MUC22: variants seen among roughly 807,000 people sequenced by gnomAD.
MUC22 encodes mucin 22.
MUC22 carries 24 observed loss-of-function variants against 40.3 expected under a neutral mutation model. The ratio of observed to expected loss-of-function variants is 0.60; its 90% confidence interval spans 0.43 to 0.84. MUC22 has a LOEUF of 0.84. Ranked by LOEUF, MUC22 falls within the 40% of genes least tolerant of loss-of-function variation. The probability of loss-of-function intolerance (pLI) is 0.00; values close to 1 mark genes in which losing one functional copy is unlikely to be tolerated. For missense variants in MUC22, 1,926 were observed against 2,130.7 expected (o/e 0.90, Z 1.89); for synonymous variants, 765 against 844.5 (o/e 0.91, Z 1.63).
At chr6:31,012,631 AAAT>A (rs1454469094) in intron 1 of MUC22, among the ~76,000 whole-genome samples, 4 of 152,314 alleles carry the variant, frequency 2.6e-5, no homozygotes, top group African/African-American at 9.6e-5. Flanking sequence ...ACATAGACTT[AAAT>A]AATATTTCCT....
rs992458377 is a variant in MUC22, at chr6:31,029,111, C to T, written c.3680C>T (p.Thr1227Met). ...ACTACTATGGGCTCTGAGACCACCACGGCCTCTACTGCAGGCTCAGAGACC... is the reference window on the plus strand; with the variant it reads ...ACTACTATGGGCTCTGAGACCACCATGGCCTCTACTGCAGGCTCAGAGACC... Residue 1227 changes from threonine to methionine, a missense_variant, in exon 2 of 4, where the codon ACG (threonine) becomes ATG (methionine). Physicochemically the swap from Thr to Met is moderately conservative, Grantham distance 81. Transcript: ENST00000561890. The T allele has an allele frequency of 8.5e-6, 13 of 1,534,748 alleles. No individual in the cohort carries two copies. Among genetic ancestry groups the T allele is most frequent in the Admixed American group, 7.9e-5 (4 of 50,924 alleles).
Position 31,032,808 on chromosome 6 carries a change from GAAGGGAAATACTGACAGAAC to G in MUC22, c.5055+242_5055+261del, listed in dbSNP as rs1766166208. Among the ~76,000 whole-genome samples, 1 of 152,200 alleles carries G rather than the reference GAAGGGAAATACTGACAGAAC, an allele frequency of 6.6e-6. No individual in the cohort carries two copies. The highest frequency in any genetic ancestry group is 1.5e-5 in the Non-Finnish European group (1 of 68,026). ...GAAAAGATGGAGTTGGGGCCAAAGTGAAGGGAAATACTGACAGAACAAGGGAAATACTGAGAGAGAACAAG... is the reference window on the plus strand; with the variant it reads ...GAAAAGATGGAGTTGGGGCCAAAGTGAAGGGAAATACTGAGAGAGAACAAG... On this transcript the variant is annotated intron_variant, in intron 3 of 3. Coordinates refer to ENST00000561890, the Ensembl canonical transcript of MUC22. This position sits in a 1 kb window ranked among gnomAD's most constrained non-coding sequence, Gnocchi z 4.1.
At chr6:31,028,062 A>G in exon 2 of MUC22, 1 of 1,534,446 alleles carries the variant, frequency 6.5e-7, no homozygotes, top group Non-Finnish European at 8.7e-7. Flanking sequence ...AGACCACCAC[A>G]GCCTCTACTA....
Position 31,022,593 on chromosome 6 carries a change from T to C in MUC22, c.71-2909T>C, listed in dbSNP as rs115888787. Reference sequence around the variant, plus strand: ...TTCATTTAAATTTTAAAAGATAATATACTTGAGTAATAATGAATTATGAGG... The same window carrying C: ...TTCATTTAAATTTTAAAAGATAATACACTTGAGTAATAATGAATTATGAGG... On this transcript the variant is annotated intron_variant, in intron 1 of 3. Coordinates refer to ENST00000561890, the Ensembl canonical transcript of MUC22. 9.2e-3 allele frequency among the ~76,000 whole-genome samples: 1,402 copies of C among 152,144 alleles called. 15 individuals carry two copies. Among genetic ancestry groups the C allele is most frequent in the African/African-American group, 0.026 (1,095 of 41,496 alleles).
chr6:31,027,561 T>G, exon 2 of MUC22: 4 of 1,526,746 alleles, frequency 2.6e-6, no homozygotes, highest in Non-Finnish European at 3.5e-6. Flanking sequence ...CAGCTTCTAC[T>G]GAAGGTTCTG....
At chr6:31,016,826 G>C (rs28360983) in intron 1 of MUC22, among the ~76,000 whole-genome samples, 1 of 152,194 alleles carries the variant, frequency 6.6e-6, no homozygotes, top group African/African-American at 2.4e-5. Flanking sequence ...GGCTGCCTGC[G>C]GCACTTGCGG....
chr6:31,008,864 A>G (rs1036162063), upstream of MUC22, among the ~76,000 whole-genome samples: 8 of 151,944 alleles, frequency 5.3e-5, no homozygotes, highest in African/African-American at 1.9e-4. Flanking sequence ...TATTGTTTTT[A>G]ATTCTCCCCC....
At chr6:31,007,506 T>C (rs1763594621), upstream of MUC22, among the ~76,000 whole-genome samples, 1 of 152,160 alleles carries the variant, frequency 6.6e-6, no homozygotes, top group African/African-American at 2.4e-5. The surrounding 1 kb of genome is among the most constrained non-coding windows in gnomAD (Gnocchi z 4.0). Flanking sequence ...TAACTCTACT[T>C]GAATTGGGGG....
At chr6:31,031,300 A>G (rs1019709125) in intron 2 of MUC22, among the ~76,000 whole-genome samples, 3 of 152,190 alleles carry the variant, frequency 2.0e-5, no homozygotes, top group Non-Finnish European at 1.5e-5. Flanking sequence ...CATCTGCCCA[A>G]GCACACTCAC....
chr6:31,024,896 G>A (rs566260806), intron 1 of MUC22, among the ~76,000 whole-genome samples: 49 of 144,256 alleles, frequency 3.4e-4, no homozygotes, highest in Non-Finnish European at 6.2e-4. Flanking sequence ...TTAAGATGGA[G>A]TTTTGCCCTT....
upstream of MUC22, chr6:31,010,447 A>G (rs2150738389): frequency 8.2e-6 from 4 of 487,462 alleles, no homozygotes; most frequent in Admixed American, 1.3e-4. Context: ...AGTATCAGCT[A>G]TAAATGCCAC....
chr6:31,019,925 G>A (rs1322790041), intron 1 of MUC22, among the ~76,000 whole-genome samples: 1 of 152,162 alleles, frequency 6.6e-6, no homozygotes, highest in Non-Finnish European at 1.5e-5. Context: ...GTGAGAGGGA[G>A]TATGGGGTGG....
In MUC22 at chr6:31,027,111, C is replaced by T. The variant is rs551512390; in HGVS notation, c.1680C>T (p.Thr560=). 15 of 1,467,590 alleles carry T rather than the reference C, an allele frequency of 1.0e-5. 1 individual carries two copies. The highest frequency in any genetic ancestry group is 1.4e-5 in the African/African-American group (1 of 69,340). The allele number at this position is 1,467,590 out of a possible 1,614,324, so 90.9% of individuals were successfully genotyped here. A position where few individuals can be genotyped will look rare whatever the true frequency, so the allele number is the denominator to read the frequency against. ...GCTCTGAGACCACTATGGCCTCTAC[C>T]ATAGGCCCTGAGACCACCAAGGTCT... The change falls in exon 2 of 4, where the codon ACC becomes ACT. Residue 560 remains threonine, a synonymous_variant. Coordinates refer to ENST00000561890, the Ensembl canonical transcript of MUC22.
intron 1 of MUC22, among the ~76,000 whole-genome samples, chr6:31,014,985 ATTTATGTCTTTCCTT>A (rs1764093616): frequency 6.6e-6 from 1 of 152,090 alleles, no homozygotes; most frequent in Admixed American, 6.5e-5. Flanking sequence ...TGAAGGAAAG[ATTTATGTCTTTCCTT>A]TTATTGGGTT....
At chr6:31,025,205 A>G (rs1350152478) in intron 1 of MUC22, among the ~76,000 whole-genome samples, 3 of 152,036 alleles carry the variant, frequency 2.0e-5, no homozygotes, top group Non-Finnish European at 4.4e-5. Flanking sequence ...CCTCAGAGAG[A>G]CCTTTTCTGA....
At chr6:31,016,814 C>T (rs867329976) in intron 1 of MUC22, among the ~76,000 whole-genome samples, 11 of 152,328 alleles carry the variant, frequency 7.2e-5, no homozygotes, top group East Asian at 3.9e-4. Context: ...GGCGGGAACC[C>T]GGGCTGCCTG....
At chr6:31,023,063 G>A (rs1764999289) in intron 1 of MUC22, among the ~76,000 whole-genome samples, 1 of 151,914 alleles carries the variant, frequency 6.6e-6, no homozygotes, top group Non-Finnish European at 1.5e-5. Flanking sequence ...CTGGGAAGTG[G>A]AATTGGCAGT....
chr6:31,010,523 C>A (rs918736270), exon 1 of MUC22: 1 of 564,460 alleles, frequency 1.8e-6, no homozygotes, highest in African/African-American at 1.9e-5. Context: ...TTGGGGGCTC[C>A]CCCCAACCAT....
chr6:31,008,583 C>G (rs1193787077), upstream of MUC22, among the ~76,000 whole-genome samples: 1 of 149,176 alleles, frequency 6.7e-6, no homozygotes, highest in Non-Finnish European at 1.5e-5. Flanking sequence ...GAGTCTCACT[C>G]TGTCACCCGG....
Sources: gnomAD v4.1 joint callset for allele counts (sites outside exome capture counted in the v4.1 genomes callset) on GRCh38, gnomAD v4.1.1 for gene constraint, Gnocchi (gnomAD v3.1) non-coding constraint, MANE v1.5 for transcripts, NCBI Gene and HGNC (gene_info 2026-07-23, HGNC 2026-07-21) for gene names.